Variants in ANKRD29 observed in about 807,000 individuals in gnomAD.
The protein encoded by ANKRD29 is ankyrin repeat domain 29.
ANKRD29 carries 32 observed loss-of-function variants against 38.0 expected under a neutral mutation model. That is an observed-to-expected ratio of 0.84 (90% CI 0.64 to 1.13). The LOEUF (loss-of-function observed/expected upper bound fraction) is 1.13, where lower values mean the gene tolerates loss of function less well. ANKRD29 is among the 50% of genes most tolerant of loss of function. The pLI is 0.00. For synonymous variants in ANKRD29, 135 were observed against 152.4 expected, an observed-to-expected ratio of 0.89 and a Z score of 0.84; for missense variants, 357 against 377.9, an observed-to-expected ratio of 0.94 and a Z score of 0.46.
At chr18:23,637,057 C>T (rs554884765) in intron 4 of ANKRD29, among the ~76,000 whole-genome samples, 122 of 144,776 alleles carry the variant, frequency 8.4e-4, no homozygotes, top group Middle Eastern at 6.9e-3. Flanking sequence ...ATCCTGAGTT[C>T]CATGTTCCAT....
At chr18:23,641,658 G>A (rs1284063605) in intron 3 of ANKRD29, among the ~76,000 whole-genome samples, 2 of 152,230 alleles carry the variant, frequency 1.3e-5, no homozygotes, top group Non-Finnish European at 2.9e-5. Flanking sequence ...GATGGTGAGA[G>A]GCAGACACGT....
At chr18:23,645,504 G>A (rs2060127328) in intron 3 of ANKRD29, among the ~76,000 whole-genome samples, 1 of 152,196 alleles carries the variant, frequency 6.6e-6, no homozygotes, top group Admixed American at 6.5e-5. Context: ...GAACCTGGGA[G>A]GTGGAGGTTG....
At chr18:23,653,124 G>A (rs190659357) in intron 1 of ANKRD29, among the ~76,000 whole-genome samples, 120 of 152,326 alleles carry the variant, frequency 7.9e-4, no homozygotes, top group African/African-American at 2.8e-3. Context: ...TGTGCAGTCG[G>A]CTACACTCTC....
intron 2 of ANKRD29, chr18:23,648,269 C>T (rs1048590888): frequency 4.6e-5 from 7 of 152,058 alleles, no homozygotes; most frequent in African/African-American, 1.5e-4. Flanking sequence ...AAAGATATCC[C>T]GTAAACCAAA....
chr18:23,604,482 G>C (rs1234162102), intron 9 of ANKRD29, among the ~76,000 whole-genome samples: 1 of 151,614 alleles, frequency 6.6e-6, no homozygotes, highest in African/African-American at 2.4e-5. Context: ...TGGCTTCTCA[G>C]CTTCTTCAGA....
intron 1 of ANKRD29, 134 bp from the exon 2 acceptor site, chr18:23,649,327 C>T (rs1417713134): frequency 1.1e-5 from 8 of 738,100 alleles, no homozygotes; most frequent in Middle Eastern, 2.3e-4. Flanking sequence ...GATCCTCCAG[C>T]AATAGACAAC....
chr18:23,650,757 G>A (rs895921423), intron 1 of ANKRD29, among the ~76,000 whole-genome samples: 2 of 152,054 alleles, frequency 1.3e-5, no homozygotes, highest in African/African-American at 2.4e-5. Context: ...GCCTAATATT[G>A]TACCCAACAC....
At chr18:23,605,613 G>A (rs1361888987) in intron 9 of ANKRD29, among the ~76,000 whole-genome samples, 1 of 151,788 alleles carries the variant, frequency 6.6e-6, no homozygotes, top group African/African-American at 2.4e-5. Flanking sequence ...TGCAACCTCC[G>A]CCTCCCGGGT....
intron 8 of ANKRD29, among the ~76,000 whole-genome samples, 173 bp from the exon 9 acceptor site, chr18:23,612,363 T>C (rs2059654512): frequency 6.6e-6 from 1 of 152,236 alleles, no homozygotes; most frequent in Non-Finnish European, 1.5e-5. Context: ...TGTCCTTGGA[T>C]ACATAACCAA....
chr18:23,638,326 T>A (rs1263154228), intron 4 of ANKRD29, among the ~76,000 whole-genome samples: 1 of 152,168 alleles, frequency 6.6e-6, no homozygotes, highest in African/African-American at 2.4e-5. Context: ...GAAGAACCAC[T>A]ATATAGTTTC....
chr18:23,604,533 C>T (rs148185907), intron 9 of ANKRD29, among the ~76,000 whole-genome samples: 1 of 149,262 alleles, frequency 6.7e-6, no homozygotes, highest in African/African-American at 2.5e-5. Context: ...CCAACAGGTG[C>T]TTTTTTTTTT....
chr18:23,601,966 T>G (rs960130363), intron 9 of ANKRD29, among the ~76,000 whole-genome samples: 1 of 152,084 alleles, frequency 6.6e-6, no homozygotes, highest in African/African-American at 2.4e-5. Context: ...CTACCTTATA[T>G]TTATTAATGT....
chr18:23,619,461 C>A, intron 7 of ANKRD29, 70 bp downstream of exon 7: 1 of 1,428,678 alleles, frequency 7.0e-7, no homozygotes, highest in South Asian at 1.4e-5. Context: ...CAGACTCAGT[C>A]AAGACCCGTT....
chr18:23,630,160 C>G (rs2059911644), intron 5 of ANKRD29, among the ~76,000 whole-genome samples: 1 of 152,042 alleles, frequency 6.6e-6, no homozygotes, highest in African/African-American at 2.4e-5. Context: ...CACGGCGGCT[C>G]ACGCCTGTAA....
intron 6 of ANKRD29, 67 bp downstream of exon 6, chr18:23,629,786 A>G (rs2059906024): frequency 1.5e-6 from 2 of 1,302,978 alleles, no homozygotes; most frequent in Non-Finnish European, 2.2e-6. Flanking sequence ...ATGTGCTGCC[A>G]GCGGACACCC....
intron 9 of ANKRD29, among the ~76,000 whole-genome samples, chr18:23,606,125 T>G (rs1018844305): frequency 2.0e-5 from 3 of 152,200 alleles, no homozygotes; most frequent in Non-Finnish European, 4.4e-5. Flanking sequence ...TTTGCTTTTA[T>G]AGGGGACAGG....
intron 4 of ANKRD29, among the ~76,000 whole-genome samples, chr18:23,636,726 A>G (rs1419217574): frequency 6.7e-6 from 1 of 150,172 alleles, no homozygotes; most frequent in African/African-American, 2.5e-5. Flanking sequence ...GGCACATGCA[A>G]CCATGCCTGG....
intron 1 of ANKRD29, among the ~76,000 whole-genome samples, chr18:23,654,805 C>T (rs2060257952): frequency 6.6e-6 from 1 of 151,832 alleles, no homozygotes; most frequent in Non-Finnish European, 1.5e-5. Context: ...CTGTACACTT[C>T]CAGAAATTGT....
At chr18:23,622,691 C>T (rs1050772614) in intron 6 of ANKRD29, among the ~76,000 whole-genome samples, 5 of 152,046 alleles carry the variant, frequency 3.3e-5, no homozygotes, top group East Asian at 1.9e-4. Flanking sequence ...CTCAGCCTCC[C>T]GAGAGGCTGA....
Sources: gnomAD v4.1 joint callset for allele counts (sites outside exome capture counted in the v4.1 genomes callset) on GRCh38, gnomAD v4.1.1 for gene constraint, MANE v1.5 for transcripts, NCBI Gene and HGNC (gene_info 2026-07-23, HGNC 2026-07-21) for gene names.